PRMT3: variants seen among roughly 807,000 people sequenced by gnomAD.
PRMT3 encodes the protein protein arginine N-methyltransferase 3.
PRMT3 carries 62 observed loss-of-function variants against 71.9 expected under a neutral mutation model. That is an observed-to-expected ratio of 0.86 (90% CI 0.70 to 1.07). The LOEUF is 1.07. Among genes scored for constraint, PRMT3 ranks in the 50% least tolerant of loss-of-function variants. The pLI, the probability that PRMT3 is intolerant of heterozygous loss-of-function variation, is 0.00. For missense variants in PRMT3, 663 were observed against 643.0 expected (o/e 1.03, Z -0.34); for synonymous variants, 213 against 220.4 (o/e 0.97, Z 0.30).
intron 11 of PRMT3, among the ~76,000 whole-genome samples, chr11:20,454,002 A>G (rs1850212466): frequency 6.6e-6 from 1 of 152,166 alleles, no homozygotes; most frequent in South Asian, 2.1e-4. Flanking sequence ...ATGACTTAAA[A>G]ACAACATTAT....
intron 7 of PRMT3, among the ~76,000 whole-genome samples, chr11:20,401,268 C>T (rs1013121089): frequency 1.3e-4 from 19 of 151,894 alleles, no homozygotes; most frequent in Admixed American, 9.2e-4. Flanking sequence ...TAAGTTTTGT[C>T]GTTTCTGCAA....
At chr11:20,391,049 C>CA (rs57575758) in intron 3 of PRMT3, among the ~76,000 whole-genome samples, 9 of 144,524 alleles carry the variant, frequency 6.2e-5, no homozygotes, top group East Asian at 4.3e-4. Flanking sequence ...GACGCCGTCT[C>CA]AAAAAAAAAA....
At chr11:20,405,689 C>T (rs576783400) in intron 8 of PRMT3, 1 of 152,152 alleles carries the variant, frequency 6.6e-6, no homozygotes, top group Non-Finnish European at 1.5e-5. Flanking sequence ...CAAAAAAACA[C>T]ATACTCTTAT....
chr11:20,438,102 T>C (rs1849802770), intron 10 of PRMT3, among the ~76,000 whole-genome samples: 1 of 152,090 alleles, frequency 6.6e-6, no homozygotes, highest in Non-Finnish European at 1.5e-5. Context: ...TGGGTGCAGA[T>C]TCACCCTCTG....
At chr11:20,482,628 C>T (rs1256068548) in intron 13 of PRMT3, among the ~76,000 whole-genome samples, 3 of 151,896 alleles carry the variant, frequency 2.0e-5, no homozygotes, top group Non-Finnish European at 2.9e-5. Flanking sequence ...TTGATTCAGC[C>T]GGTTACCCAT....
intron 8 of PRMT3, among the ~76,000 whole-genome samples, chr11:20,404,226 T>TTTGTTTTGTTTTGTTTTG (rs1555006846): frequency 1.2e-5 from 1 of 83,478 alleles, no homozygotes; most frequent in East Asian, 4.5e-4. Context: ...TTTTTTTTTT[T>TTTGTTTTGTTTTGTTTTG]TTTTTTTTTT....
chr11:20,492,381 A>C (rs1487001235), intron 13 of PRMT3, among the ~76,000 whole-genome samples: 2 of 152,204 alleles, frequency 1.3e-5, no homozygotes, highest in Non-Finnish European at 2.9e-5. Flanking sequence ...TTTTTATGAT[A>C]ATCTGTGGCT....
Position 20,464,472 on chromosome 11 carries a change from C to T in PRMT3, c.1273C>T (p.His425Tyr), listed in dbSNP as rs779355031. The T allele has an allele frequency of 1.9e-6, 3 of 1,610,076 alleles. No individual in the cohort carries two copies. The highest frequency in any genetic ancestry group is 2.7e-5 in the African/African-American group (2 of 74,484). The stretch of plus-strand genomic sequence containing the variant: ...TTTTAATGGGTAGCATATAGATTGC[C>T]ATACGACGTCTATCTCAGATTTGGA... Reference protein sequence around the residue: ...EPCGIKHIDCHTTSISDLEFS... With the variant: ...EPCGIKHIDCYTTSISDLEFS... Residue 425 changes from histidine (H) to tyrosine (Y), a missense_variant, in exon 13 of 16, where the codon CAT (histidine) becomes TAT (tyrosine). Transcript: ENST00000331079.
intron 5 of PRMT3, among the ~76,000 whole-genome samples, chr11:20,395,201 T>C (rs1848798938): frequency 6.6e-6 from 1 of 151,808 alleles, no homozygotes; most frequent in African/African-American, 2.4e-5. Flanking sequence ...TTTCTACTTT[T>C]TTCTTTCTTC....
chr11:20,432,329 G>C (rs1200696146), intron 10 of PRMT3, among the ~76,000 whole-genome samples: 1 of 151,850 alleles, frequency 6.6e-6, no homozygotes, highest in Non-Finnish European at 1.5e-5. Flanking sequence ...CTTCTACCTG[G>C]GAGTAAAAGT....
intron 10 of PRMT3, among the ~76,000 whole-genome samples, chr11:20,440,565 GAC>G: frequency 6.8e-6 from 1 of 146,654 alleles, no homozygotes; most frequent in East Asian, 2.0e-4. Context: ...GTCATAAAAA[GAC>G]ACATTTAAGA....
At chr11:20,405,891 C>T (rs559507355) in intron 8 of PRMT3, 4 of 152,246 alleles carry the variant, frequency 2.6e-5, no homozygotes, top group East Asian at 3.9e-4. Context: ...TGTCATGCAG[C>T]CATCACCACC....
At position 20,462,017 on chromosome 11, in the gene PRMT3, G is replaced by A. The variant is rs757283960; in HGVS notation, c.1110G>A (p.Val370=). ...PDICTISLVA[V]SDVNKHADRI... ...TTTGCACTATCAGCCTTGTAGCAGT[G>A]AGTGATGTGAATAAACATGCTGATA... The change falls in exon 12 of 16, where the codon GTG becomes GTA. Residue 370 remains valine (V), a synonymous_variant. Coordinates refer to ENST00000331079, the MANE Select transcript of PRMT3 (RefSeq NM_005788.4). The A allele has an allele frequency of 1.2e-5, 20 of 1,609,928 alleles. No homozygotes were observed. Among genetic ancestry groups the A allele is most frequent in the Non-Finnish European group, 1.6e-5 (19 of 1,177,426 alleles).
intron 10 of PRMT3, among the ~76,000 whole-genome samples, chr11:20,443,698 T>G (rs878936257): frequency 2.6e-5 from 4 of 152,146 alleles, no homozygotes; most frequent in Admixed American, 2.6e-4. Flanking sequence ...TTGGGAAAGA[T>G]TTTTAGAGAT....
chr11:20,445,233 T>G (rs1849998686), intron 10 of PRMT3, among the ~76,000 whole-genome samples: 1 of 152,114 alleles, frequency 6.6e-6, no homozygotes. Flanking sequence ...ACTATTGTCT[T>G]TTTAGCTTGT....
chr11:20,411,832 C>T (rs1171908072), intron 9 of PRMT3, among the ~76,000 whole-genome samples: 1 of 152,034 alleles, frequency 6.6e-6, no homozygotes, highest in Non-Finnish European at 1.5e-5. Context: ...TACCTAGAAG[C>T]TTAGTGAGGA....
At position 20,438,705 on chromosome 11, in the gene PRMT3, G is replaced by C. The variant is rs72934248; in HGVS notation, c.993+11840G>C. On this transcript the variant is annotated intron_variant, in intron 10 of 15. Coordinates refer to ENST00000331079, the MANE Select transcript of PRMT3 (RefSeq NM_005788.4). ...GACCTGTGGGGCATTACTGTTCTGG[G>C]CAGCCCAGGTTCCATTTCTCATGAT... 1.7e-3 allele frequency among the ~76,000 whole-genome samples: 256 copies of C among 152,214 alleles called. 2 individuals carry two copies. The highest frequency in any genetic ancestry group is 2.8e-3 in the Non-Finnish European group (188 of 68,000).
chr11:20,420,500 G>A (rs183669736), intron 9 of PRMT3, among the ~76,000 whole-genome samples: 8 of 152,238 alleles, frequency 5.3e-5, no homozygotes, highest in Admixed American at 6.5e-5. Context: ...TCGTCTGAGC[G>A]CCACCTCCTG....
In PRMT3 at chr11:20,464,456, G is replaced by A. The variant is rs754254384; in HGVS notation, c.1261-4G>A. 3.7e-6 allele frequency: 6 copies of A among 1,601,386 alleles called. No individual in the cohort carries two copies. The highest frequency in any genetic ancestry group is 1.7e-5 in the Admixed American group (1 of 58,428). On this transcript the variant is annotated splice_region_variant and splice_polypyrimidine_tract_variant and intron_variant, in intron 12 of 15. Coordinates refer to ENST00000331079, the MANE Select transcript of PRMT3 (RefSeq NM_005788.4). ...CTCTTTCTTCACTTCTTTTTAATGG[G>A]TAGCATATAGATTGCCATACGACGT...
Sources: allele counts gnomAD v4.1 joint callset (sites outside exome capture counted in the v4.1 genomes callset), GRCh38; gene constraint gnomAD v4.1.1; transcripts MANE v1.5; gene names NCBI Gene and HGNC (gene_info 2026-07-23, HGNC 2026-07-21).